Variants in CTNND2 observed in about 807,000 individuals in gnomAD.
CTNND2 encodes the protein catenin delta 2, also known as catenin delta-2.
CTNND2 carries 22 observed loss-of-function variants against 144.4 expected under a neutral mutation model. The observed-to-expected ratio is 0.15, with a 90% CI of 0.11 to 0.22. The LOEUF (loss-of-function observed/expected upper bound fraction) is 0.22. CTNND2 is among the 10% of genes least tolerant of loss of function. The pLI, the probability that CTNND2 is intolerant of heterozygous loss-of-function variation, is 1.00. For synonymous variants in CTNND2, 751 were observed against 695.6 expected (o/e 1.08, Z -1.25); for missense variants, 1,353 against 1,618.8 (o/e 0.84, Z 2.82).
chr5:10,978,136 C>G (rs1021632305), intron 21 of CTNND2, among the ~76,000 whole-genome samples: 2 of 152,190 alleles, frequency 1.3e-5, no homozygotes, highest in African/African-American at 4.8e-5. Context: ...TGACCAAACC[C>G]TGGAGGATCC....
At chr5:11,793,454 T>C (rs1441460432) in intron 1 of CTNND2, among the ~76,000 whole-genome samples, 2 of 152,190 alleles carry the variant, frequency 1.3e-5, no homozygotes, top group South Asian at 2.1e-4. Context: ...GGAAATAGGA[T>C]TGTTGCAAAT....
chr5:11,175,409 G>A (rs567592203), intron 11 of CTNND2, among the ~76,000 whole-genome samples: 12 of 152,154 alleles, frequency 7.9e-5, no homozygotes, highest in Admixed American at 1.3e-4. Context: ...CTTGTTTATC[G>A]CTCTATTCTT....
At chr5:11,204,604 G>A (rs1470058853) in intron 10 of CTNND2, among the ~76,000 whole-genome samples, 1 of 152,038 alleles carries the variant, frequency 6.6e-6, no homozygotes, top group African/African-American at 2.4e-5. Context: ...TGCATATATT[G>A]ACAATAGCAT....
chr5:11,253,159 A>C (rs1465391884), intron 9 of CTNND2, among the ~76,000 whole-genome samples: 1 of 152,112 alleles, frequency 6.6e-6, no homozygotes, highest in Non-Finnish European at 1.5e-5. Flanking sequence ...ACCAGTTCTT[A>C]CACCTCTCCT....
rs1745398512 is a variant in CTNND2 at position 11,265,942 on chromosome 5, C to T, written c.1629-29119G>A. Among the ~76,000 whole-genome samples the T allele has an allele frequency of 2.6e-5, 4 of 152,008 alleles. No homozygotes were observed. In the South Asian group the frequency reaches 8.3e-4, roughly 32 times the overall value. On this transcript the variant is annotated intron_variant, in intron 9 of 21. Coordinates refer to ENST00000304623, the MANE Select transcript of CTNND2 (RefSeq NM_001332.4). ...AGCCAGGCTGGTCTGGAACTCCTGA[C>T]CTTGTGATCTGCCCACCTCAGCCTC...
intron 2 of CTNND2, among the ~76,000 whole-genome samples, chr5:11,611,959 T>C (rs1259071394): frequency 6.6e-6 from 1 of 152,174 alleles, no homozygotes; most frequent in Non-Finnish European, 1.5e-5. Context: ...TCATTTCTAG[T>C]TGTGTTCCTA....
chr5:11,202,715 G>A (rs1236234242), intron 10 of CTNND2, among the ~76,000 whole-genome samples: 1 of 152,150 alleles, frequency 6.6e-6, no homozygotes, highest in Non-Finnish European at 1.5e-5. Flanking sequence ...TCTGGTGGCT[G>A]TGCGTGGCTC....
chr5:11,643,362 T>C (rs954797630), intron 2 of CTNND2, among the ~76,000 whole-genome samples: 4 of 149,820 alleles, frequency 2.7e-5, no homozygotes, highest in Non-Finnish European at 4.4e-5. Context: ...ATTAGGTATA[T>C]CTCCTAATGC....
At chr5:11,103,703 T>C (rs1028844264) in intron 14 of CTNND2, among the ~76,000 whole-genome samples, 1 of 148,690 alleles carries the variant, frequency 6.7e-6, no homozygotes, top group Non-Finnish European at 1.5e-5. Context: ...CCCCTGAAAG[T>C]AAAGATGTCA....
At chr5:11,832,180 A>T (rs1277021205) in intron 1 of CTNND2, among the ~76,000 whole-genome samples, 2 of 151,992 alleles carry the variant, frequency 1.3e-5, no homozygotes, top group Non-Finnish European at 2.9e-5. Context: ...GCTACTTGGG[A>T]GGCTGAGGCA....
chr5:10,985,729 G>A (rs1737855399), intron 20 of CTNND2, among the ~76,000 whole-genome samples: 1 of 152,160 alleles, frequency 6.6e-6, no homozygotes, highest in African/African-American at 2.4e-5. Flanking sequence ...TTGATGTTGG[G>A]GCCACAAGAA....
At chr5:11,807,000 G>A (rs1792041140) in intron 1 of CTNND2, among the ~76,000 whole-genome samples, 1 of 152,036 alleles carries the variant, frequency 6.6e-6, no homozygotes, top group South Asian at 2.1e-4. Flanking sequence ...GCTAATGGGT[G>A]TGTATTCAAT....
intron 3 of CTNND2, among the ~76,000 whole-genome samples, chr5:11,478,411 T>A (rs1295687154): frequency 6.6e-6 from 1 of 152,214 alleles, no homozygotes; most frequent in African/African-American, 2.4e-5. Flanking sequence ...CTACTTTCAT[T>A]TCCTGCATGA....
chr5:11,748,305 CAT>C (rs529607972), intron 1 of CTNND2, among the ~76,000 whole-genome samples: 252 of 152,158 alleles, frequency 1.7e-3, no homozygotes, highest in Non-Finnish European at 3.0e-3. Context: ...TATTACAACA[CAT>C]GACTTTAAAA....
chr5:10,996,520 C>CG (rs1319374751), intron 18 of CTNND2, among the ~76,000 whole-genome samples: 2 of 151,874 alleles, frequency 1.3e-5, no homozygotes, highest in Non-Finnish European at 1.5e-5. Context: ...GGAGGGGGCT[C>CG]GGGGGGCTGT....
rs182384960 is a variant in CTNND2, at chr5:11,541,551, G to A, written c.287+23393C>T. 3.8e-3 allele frequency among the ~76,000 whole-genome samples: 580 copies of A among 152,254 alleles called. 1 individual carries two copies. The highest frequency in any genetic ancestry group is 0.013 in the African/African-American group (554 of 41,540). On this transcript the variant is annotated intron_variant, in intron 3 of 21. Coordinates refer to ENST00000304623, the MANE Select transcript of CTNND2 (RefSeq NM_001332.4). The stretch of plus-strand genomic sequence containing the variant: ...AGTGAAAAGCCTGTAGGGATCAGAG[G>A]AAAAGCCTAACTAAGCTTCTAGTCT...
intron 1 of CTNND2, among the ~76,000 whole-genome samples, chr5:11,846,191 T>C (rs1794727630): frequency 6.6e-6 from 1 of 152,206 alleles, no homozygotes; most frequent in Admixed American, 6.5e-5. Flanking sequence ...CATTGTTTTA[T>C]TAAGTGAATG....
chr5:11,504,884 T>C (rs1351699326), intron 3 of CTNND2, among the ~76,000 whole-genome samples: 2 of 152,082 alleles, frequency 1.3e-5, no homozygotes, highest in African/African-American at 2.4e-5. Context: ...TTCCTGCTAT[T>C]GGCAGGCCTC....
chr5:11,825,979 C>T (rs891628343), intron 1 of CTNND2, among the ~76,000 whole-genome samples: 6 of 151,694 alleles, frequency 4.0e-5, no homozygotes, highest in African/African-American at 1.2e-4. Flanking sequence ...AGACATGCAA[C>T]GTAAGGCATA....
Sources: allele counts gnomAD v4.1 joint callset (sites outside exome capture counted in the v4.1 genomes callset), GRCh38; gene constraint gnomAD v4.1.1; transcripts MANE v1.5; gene names NCBI Gene and HGNC (gene_info 2026-07-23, HGNC 2026-07-21).